Variants in DNAH5 observed in about 807,000 individuals in gnomAD.
The protein encoded by DNAH5 is axonemal beta dynein heavy chain 5.
A neutral mutation model predicts 518.2 loss-of-function variants in DNAH5; 372 were observed. That is an observed-to-expected ratio of 0.72 (90% CI 0.66 to 0.78). The LOEUF (loss-of-function observed/expected upper bound fraction) is 0.78, where lower values mean the gene tolerates loss of function less well. DNAH5 is among the 30% of genes least tolerant of loss of function. The pLI is 0.00. For synonymous variants in DNAH5, 2,039 were observed against 2,025.9 expected (o/e 1.01, Z -0.17); for missense variants, 5,523 against 5,687.0 (o/e 0.97, Z 0.93).
At position 13,754,153 on chromosome 5, in the gene DNAH5, T is replaced by C. The variant is rs775323798; in HGVS notation, c.10555+50A>G. 7 of 1,610,038 alleles carry C rather than the reference T, an allele frequency of 4.3e-6. No individual in the cohort carries two copies. In the South Asian group the frequency reaches 4.4e-5, roughly 10 times the overall value. On this transcript the variant is annotated intron_variant, in intron 62 of 78. Coordinates refer to ENST00000265104, the MANE Select transcript of DNAH5 (RefSeq NM_001369.3). ...TTTGATTAAAGTATAAGCTTTCGAA[T>C]TCCCTATCACAGTCAACACACAATC...
chr5:13,844,080 C>A (rs1765632076), intron 32 of DNAH5, among the ~76,000 whole-genome samples: 1 of 152,218 alleles, frequency 6.6e-6, no homozygotes, highest in African/African-American at 2.4e-5. Context: ...CACTCCCTAA[C>A]TGGGCTCTGA....
intron 1 of DNAH5, among the ~76,000 whole-genome samples, chr5:14,007,910 T>C (rs542855235): frequency 5.7e-4 from 86 of 152,162 alleles, no homozygotes; most frequent in South Asian, 1.3e-3. Context: ...CAGGGGCTCA[T>C]GCCTGTAATC....
chr5:13,751,489 T>C (rs1007172061), intron 64 of DNAH5, among the ~76,000 whole-genome samples: 8 of 152,144 alleles, frequency 5.3e-5, no homozygotes, highest in African/African-American at 1.9e-4. Flanking sequence ...ATATATATAA[T>C]GGACTGAATA....
At chr5:13,740,845 T>C (rs1748414650) in intron 65 of DNAH5, among the ~76,000 whole-genome samples, 2 of 152,168 alleles carry the variant, frequency 1.3e-5, no homozygotes, top group African/African-American at 4.8e-5. Flanking sequence ...TCCCCAGCTC[T>C]CCCGCTCACC....
chr5:13,817,829 G>T, intron 41 of DNAH5, 135 bp from the exon 42 acceptor site: 3 of 752,592 alleles, frequency 4.0e-6, no homozygotes, highest in Non-Finnish European at 4.4e-6. Context: ...TTGAAAATAT[G>T]TCTTACTGCA....
At chr5:13,890,227 T>C (rs1379725479) in intron 17 of DNAH5, among the ~76,000 whole-genome samples, 2 of 151,948 alleles carry the variant, frequency 1.3e-5, no homozygotes, top group African/African-American at 2.4e-5. Flanking sequence ...GGCAACACGA[T>C]GAAACCCCAT....
In DNAH5 at chr5:13,886,085, T is replaced by C. The variant is rs1450777548; in HGVS notation, c.2622A>G (p.Ser874=). Residue 874 remains serine (S), a synonymous_variant, in exon 18 of 79, where the codon TCA becomes TCG. Coordinates refer to ENST00000265104, the MANE Select transcript of DNAH5 (RefSeq NM_001369.3). The part of the protein sequence containing the change: ...NGAQILHFKS[S]LVEEAVNELV... ...GCTCATTGACTGCCTCCTCCACTAA[T>C]GAGCTTTTAAAATGTAGTATTTGTG... 14 of 1,602,396 alleles carry C rather than the reference T, an allele frequency of 8.7e-6. No homozygotes were observed. Among genetic ancestry groups the C allele is most frequent in the Non-Finnish European group, 1.2e-5 (14 of 1,178,170 alleles).
intron 68 of DNAH5, among the ~76,000 whole-genome samples, chr5:13,734,469 T>A (rs1383472430): frequency 6.6e-6 from 1 of 152,204 alleles, no homozygotes; most frequent in Admixed American, 6.5e-5. Flanking sequence ...GACACGGCTG[T>A]GAGCAATGCT....
chr5:13,833,131 C>CAAA (rs57578159), intron 35 of DNAH5, among the ~76,000 whole-genome samples: 22 of 140,234 alleles, frequency 1.6e-4, no homozygotes, highest in South Asian at 4.5e-4. Context: ...ATGTGTTATC[C>CAAA]AAAAAAAAAA....
At chr5:13,887,588 G>A (rs546617421) in intron 17 of DNAH5, among the ~76,000 whole-genome samples, 1 of 152,184 alleles carries the variant, frequency 6.6e-6, no homozygotes, top group Admixed American at 6.5e-5. Context: ...TAATCAGCAT[G>A]GGGCTCCACC....
intron 1 of DNAH5, among the ~76,000 whole-genome samples, chr5:13,953,335 C>A (rs916934254): frequency 5.9e-5 from 9 of 152,068 alleles, no homozygotes; most frequent in African/African-American, 1.9e-4. Flanking sequence ...GAATGTAATA[C>A]CTTGTTCCTG....
intron 1 of DNAH5, among the ~76,000 whole-genome samples, chr5:14,002,907 A>T (rs560975744): frequency 1.3e-3 from 199 of 152,228 alleles, no homozygotes; most frequent in Admixed American, 4.6e-3. Context: ...AGTTGTGCTT[A>T]TAAGAACAAA....
rs11955262 is a variant in DNAH5 at position 13,862,853 on chromosome 5, A to T, written c.4597-106T>A. On this transcript the variant is annotated intron_variant, in intron 28 of 78. Transcript: ENST00000265104. ...TCACTATTTGCTTCATATATATATAAATATATATATAAACTTTTATATTTC... is the reference window on the plus strand; with the variant it reads ...TCACTATTTGCTTCATATATATATATATATATATATAAACTTTTATATTTC... The T allele has an allele frequency of 0.32, 96,112 of 298,512 alleles. 18,104 individuals are homozygous for T. The highest frequency in any genetic ancestry group is 0.43 in the South Asian group (3,301 of 7,750). 18.5% of individuals were successfully genotyped at this position (298,512 alleles called of 1,614,324 possible). A position where few individuals can be genotyped will look rare whatever the true frequency, so the allele number is the denominator to read the frequency against.
Position 13,966,557 on chromosome 5 carries a change from G to A in DNAH5, c.13-35313C>T, listed in dbSNP as rs73061560. 3.2e-3 allele frequency among the ~76,000 whole-genome samples: 491 copies of A among 152,244 alleles called. 4 individuals are homozygous for A. Among genetic ancestry groups the A allele is most frequent in the African/African-American group, 0.011 (467 of 41,548 alleles). Reference sequence around the variant, plus strand: ...TGGTTTTTTGATTATGGCCATTCTTGTGGAAGTAAAGTGGTATCACATTGT... The same window carrying A: ...TGGTTTTTTGATTATGGCCATTCTTATGGAAGTAAAGTGGTATCACATTGT... On this transcript the variant is annotated intron_variant, in intron 1 of 78. Transcript: ENST00000681290.
At chr5:13,796,376 G>A (rs888492140) in intron 47 of DNAH5, among the ~76,000 whole-genome samples, 11 of 152,156 alleles carry the variant, frequency 7.2e-5, no homozygotes, top group Non-Finnish European at 1.0e-4. Flanking sequence ...AGCAATGTGC[G>A]AAAATCACAA....
rs560939419 is a variant in DNAH5, at chr5:13,900,240, C to T, written c.2225G>A (p.Arg742Gln). Residue 742 changes from arginine to glutamine, a missense_variant, in exon 15 of 79, where the codon CGA becomes CAA. Coordinates refer to ENST00000265104, the MANE Select transcript of DNAH5 (RefSeq NM_001369.3). ...SPLATSLFQK[R>Q]DRYKRNFSNM... The stretch of plus-strand genomic sequence containing the variant: ...ACTGAAGTTCCTTTTGTATCTATCT[C>T]GTTTCTGGAAGAGGGAAGTTGCCAG... 1.6e-5 allele frequency: 26 copies of T among 1,614,086 alleles called. No individual in the cohort carries two copies. Among genetic ancestry groups the T allele is most frequent in the Admixed American group, 5.0e-5 (3 of 60,028 alleles).
At chr5:13,881,635 G>A (rs1403348200) in intron 21 of DNAH5, among the ~76,000 whole-genome samples, 1 of 151,884 alleles carries the variant, frequency 6.6e-6, no homozygotes, top group East Asian at 1.9e-4. Context: ...TGAGACAAAT[G>A]AGAATGGAAA....
At chr5:13,832,380 C>T (rs1413486359) in intron 35 of DNAH5, among the ~76,000 whole-genome samples, 4 of 152,190 alleles carry the variant, frequency 2.6e-5, no homozygotes. Context: ...GGTGGGGCTT[C>T]AGACCCACTG....
Position 13,777,214 on chromosome 5 carries a change from T to C in DNAH5, c.9093A>G (p.Leu3031=), listed in dbSNP as rs1374688064. The change falls in exon 54 of 79, where the codon TTA becomes TTG. Residue 3031 remains leucine, a synonymous_variant. Coordinates refer to ENST00000265104, the MANE Select transcript of DNAH5 (RefSeq NM_001369.3). ...ESFLEYMNNV[L]SSGEVSNLFA... is the part of the protein sequence containing the mutation. Reference sequence around the variant, plus strand: ...AATGAGCTCCTACCTCACCTGATGATAAAACATTGTTCATATATTCCAAAA... The same window carrying C: ...AATGAGCTCCTACCTCACCTGATGACAAAACATTGTTCATATATTCCAAAA... 6.2e-7 allele frequency: 1 copy of C among 1,612,716 alleles called. No homozygotes were observed. Among genetic ancestry groups the C allele is most frequent in the Admixed American group, 1.7e-5 (1 of 59,898 alleles).
Sources: allele counts gnomAD v4.1 joint callset (sites outside exome capture counted in the v4.1 genomes callset), GRCh38; gene constraint gnomAD v4.1.1; transcripts MANE v1.5; gene names NCBI Gene and HGNC (gene_info 2026-07-23, HGNC 2026-07-21).